The following SLC44A5 variants were observed in gnomAD, a reference collection of about 807,000 sequenced individuals.
SLC44A5 encodes choline transporter-like protein 5.
A neutral mutation model predicts 101.8 loss-of-function variants in SLC44A5; 57 were observed. That is an observed-to-expected ratio of 0.56 (90% confidence interval 0.45 to 0.70). The LOEUF (loss-of-function observed/expected upper bound fraction) is 0.70, where lower values mean the gene tolerates loss of function less well. Ranked by LOEUF, SLC44A5 falls within the 30% of genes least tolerant of loss-of-function variation. The probability of loss-of-function intolerance (pLI) is 0.00; values close to 1 mark genes in which losing one functional copy is unlikely to be tolerated. For synonymous variants in SLC44A5, 281 were observed against 290.9 expected, an observed-to-expected ratio of 0.97 and a Z score of 0.35; for missense variants, 737 against 853.1, an observed-to-expected ratio of 0.86 and a Z score of 1.70.
At chr1:75,634,749 A>G in the SLC44A5 span, among the ~76,000 whole-genome samples, 10 of 151,918 alleles carry the variant, frequency 6.6e-5, no homozygotes, top group Admixed American at 2.0e-4. Context: ...GGACATAGGC[A>G]TGGGCAAGGA....
chr1:75,478,675 A>T (rs1202554066), intron 2 of SLC44A5, among the ~76,000 whole-genome samples: 1 of 152,212 alleles, frequency 6.6e-6, no homozygotes, highest in African/African-American at 2.4e-5. Flanking sequence ...ATAATGGTAA[A>T]GGGATCAATT....
intron 1 of SLC44A5, 107 bp downstream of exon 1, chr1:75,610,933 G>C (rs369604098): frequency 1.7e-5 from 4 of 239,448 alleles, no homozygotes; most frequent in African/African-American, 9.3e-5. Context: ...ATATATGTGT[G>C]TGTGTGTGTG....
intron 4 of SLC44A5, among the ~76,000 whole-genome samples, chr1:75,311,088 T>C (rs1655258775): frequency 6.6e-6 from 1 of 151,896 alleles, no homozygotes; most frequent in South Asian, 2.1e-4. Flanking sequence ...GTCTCTTTCA[T>C]TTTAACATAA....
chr1:75,654,383 G>A, the SLC44A5 span, among the ~76,000 whole-genome samples: 2 of 152,162 alleles, frequency 1.3e-5, no homozygotes, highest in African/African-American at 4.8e-5. Flanking sequence ...GTCAGATGCT[G>A]TCAAAAACAA....
intron 2 of SLC44A5, among the ~76,000 whole-genome samples, chr1:75,431,742 A>G (rs1300673970): frequency 6.6e-6 from 1 of 152,154 alleles, no homozygotes; most frequent in Non-Finnish European, 1.5e-5. Flanking sequence ...AAGGTTTTTG[A>G]CGACATAGCA....
At chr1:75,366,133 T>C (rs139978266) in intron 3 of SLC44A5, among the ~76,000 whole-genome samples, 12 of 152,346 alleles carry the variant, frequency 7.9e-5, no homozygotes, top group African/African-American at 2.6e-4. Flanking sequence ...GTTAGTTTTA[T>C]ACTTTCATGT....
At chr1:75,651,569 T>C in the SLC44A5 span, among the ~76,000 whole-genome samples, 3 of 151,572 alleles carry the variant, frequency 2.0e-5, no homozygotes, top group African/African-American at 7.3e-5. Context: ...TGGTGGTGGG[T>C]GTCTGTAGTC....
chr1:75,458,123 T>C (rs1196126303), intron 2 of SLC44A5, among the ~76,000 whole-genome samples: 1 of 152,198 alleles, frequency 6.6e-6, no homozygotes, highest in Non-Finnish European at 1.5e-5. Flanking sequence ...AGATGAATCC[T>C]AGCCAAGCCT....
intron 2 of SLC44A5, among the ~76,000 whole-genome samples, chr1:75,444,828 G>A (rs1453470741): frequency 6.6e-6 from 1 of 152,118 alleles, no homozygotes; most frequent in African/African-American, 2.4e-5. Context: ...CTTGTGATGG[G>A]AAGATCATGA....
chr1:75,697,085 T>C, the SLC44A5 span, among the ~76,000 whole-genome samples: 1 of 152,252 alleles, frequency 6.6e-6, no homozygotes, highest in East Asian at 1.9e-4. Context: ...TGAATATAAA[T>C]TATATCTCAA....
the SLC44A5 span, among the ~76,000 whole-genome samples, chr1:75,721,055 T>C: frequency 6.6e-6 from 1 of 152,160 alleles, no homozygotes; most frequent in Non-Finnish European, 1.5e-5. Flanking sequence ...CATTCTGTTA[T>C]CTCTCTCCTT....
intron 4 of SLC44A5, among the ~76,000 whole-genome samples, chr1:75,316,535 A>G (rs759894048): frequency 6.6e-6 from 1 of 152,216 alleles, no homozygotes; most frequent in Non-Finnish European, 1.5e-5. Context: ...ACTTGTCTCT[A>G]TCATTTGAAT....
chr1:75,223,938 ATG>A (rs1401635653), intron 13 of SLC44A5, among the ~76,000 whole-genome samples: 2 of 152,200 alleles, frequency 1.3e-5, no homozygotes, highest in Non-Finnish European at 2.9e-5. Context: ...AAGATAATAC[ATG>A]TAAGAGTCAC....
chr1:75,398,768 G>A (rs1171822435), intron 2 of SLC44A5, among the ~76,000 whole-genome samples: 1 of 152,102 alleles, frequency 6.6e-6, no homozygotes, highest in African/African-American at 2.4e-5. Context: ...CCTGCTTTCT[G>A]TAACAGCTTA....
At chr1:75,714,682 T>G in the SLC44A5 span, among the ~76,000 whole-genome samples, 1 of 152,284 alleles carries the variant, frequency 6.6e-6, no homozygotes, top group East Asian at 1.9e-4. Flanking sequence ...ATCAGTAGTA[T>G]TTTCTTTTTT....
the SLC44A5 span, among the ~76,000 whole-genome samples, chr1:75,647,030 T>C: frequency 6.6e-6 from 1 of 152,020 alleles, no homozygotes; most frequent in African/African-American, 2.4e-5. Context: ...ATGGGGAAAA[T>C]GTCTATAGGG....
At chr1:75,723,385 C>T in the SLC44A5 span, among the ~76,000 whole-genome samples, 1 of 149,508 alleles carries the variant, frequency 6.7e-6, no homozygotes, top group Non-Finnish European at 1.5e-5. Context: ...TAAGAGCAGC[C>T]TGTGAAGTCG....
chr1:75,352,518 G>A (rs1658761672), intron 3 of SLC44A5, among the ~76,000 whole-genome samples: 1 of 151,818 alleles, frequency 6.6e-6, no homozygotes, highest in Non-Finnish European at 1.5e-5. Flanking sequence ...AATCCAAATG[G>A]TCAATAAATA....
At chr1:75,604,120 T>C (rs1675178976) in intron 1 of SLC44A5, among the ~76,000 whole-genome samples, 1 of 152,120 alleles carries the variant, frequency 6.6e-6, no homozygotes, top group Admixed American at 6.6e-5. Flanking sequence ...TTCCTATGTT[T>C]TCTTCTAAGA....
Sources: allele counts gnomAD v4.1 joint callset (sites outside exome capture counted in the v4.1 genomes callset), GRCh38; gene constraint gnomAD v4.1.1; transcripts MANE v1.5; gene names NCBI Gene and HGNC (gene_info 2026-07-23, HGNC 2026-07-21).